NCKAP5: variants seen among roughly 807,000 people sequenced by gnomAD.
The protein encoded by NCKAP5 is nck-associated protein 5.
In NCKAP5, 92 loss-of-function variants were observed where a neutral mutation model predicts 167.0. That is an observed-to-expected ratio of 0.55 (90% CI 0.47 to 0.66). The LOEUF (loss-of-function observed/expected upper bound fraction) is 0.66, where lower values mean the gene tolerates loss of function less well. NCKAP5 is among the 30% of genes least tolerant of loss of function. The pLI is 0.00. For synonymous variants in NCKAP5, 891 were observed against 877.4 expected (o/e 1.02, Z -0.27); for missense variants, 2,378 against 2,315.0 (o/e 1.03, Z -0.56).
chr2:133,526,282 AGGGAGGGAGGG>A (rs1684912664), intron 2 of NCKAP5, among the ~76,000 whole-genome samples: 1 of 58,886 alleles, frequency 1.7e-5, no homozygotes, highest in African/African-American at 7.6e-5. Flanking sequence ...GGAGGGAAGG[AGGGAGGGAGGG>A]AAGGAGGGAG....
At chr2:133,423,250 A>G (rs1484648271) in intron 3 of NCKAP5, among the ~76,000 whole-genome samples, 1 of 152,192 alleles carries the variant, frequency 6.6e-6, no homozygotes, top group African/African-American at 2.4e-5. Flanking sequence ...CTGATGACCC[A>G]TAGCTAATGC....
chr2:132,697,638 T>C (rs1239680672), intron 19 of NCKAP5, among the ~76,000 whole-genome samples: 1 of 151,702 alleles, frequency 6.6e-6, no homozygotes, highest in African/African-American at 2.4e-5. Context: ...TGAAGGAAGC[T>C]AAGTGTATGT....
chr2:133,124,749 G>A (rs570230675), intron 6 of NCKAP5, among the ~76,000 whole-genome samples: 2 of 152,324 alleles, frequency 1.3e-5, no homozygotes, highest in East Asian at 3.9e-4. Flanking sequence ...GTTGAAAATA[G>A]CAGCTTTCAT....
intron 3 of NCKAP5, among the ~76,000 whole-genome samples, chr2:133,487,662 C>A (rs1272610893): frequency 6.6e-6 from 1 of 152,128 alleles, no homozygotes; most frequent in Non-Finnish European, 1.5e-5. Context: ...TGGAGAAGGG[C>A]ATTCAGTGGT....
chr2:133,163,180 A>G (rs1447774204), intron 5 of NCKAP5, among the ~76,000 whole-genome samples: 1 of 152,230 alleles, frequency 6.6e-6, no homozygotes, highest in Non-Finnish European at 1.5e-5. Flanking sequence ...AAGGGCTATC[A>G]TTCCACATGA....
At chr2:133,522,289 C>T (rs1684541589) in intron 2 of NCKAP5, among the ~76,000 whole-genome samples, 1 of 152,148 alleles carries the variant, frequency 6.6e-6, no homozygotes, top group East Asian at 1.9e-4. Flanking sequence ...ATCCCTCTGG[C>T]TCCTCCAGCC....
At chr2:132,951,786 T>C (rs769242735) in intron 8 of NCKAP5, among the ~76,000 whole-genome samples, 4 of 152,306 alleles carry the variant, frequency 2.6e-5, no homozygotes, top group Non-Finnish European at 4.4e-5. Flanking sequence ...GGCAAACTAT[T>C]AGAGTTAATA....
chr2:133,438,539 A>G (rs922347600), intron 3 of NCKAP5, among the ~76,000 whole-genome samples: 1 of 152,234 alleles, frequency 6.6e-6, no homozygotes, highest in Non-Finnish European at 1.5e-5. Flanking sequence ...AAGTATAATA[A>G]GAGATATTTC....
chr2:132,975,974 C>T (rs140419710), intron 7 of NCKAP5, among the ~76,000 whole-genome samples: 1 of 152,254 alleles, frequency 6.6e-6, no homozygotes, highest in African/African-American at 2.4e-5. Context: ...TAGAGTATTG[C>T]TGTCTATTGT....
the NCKAP5 span, among the ~76,000 whole-genome samples, chr2:133,620,949 G>T: frequency 6.6e-6 from 1 of 152,026 alleles, no homozygotes; most frequent in Non-Finnish European, 1.5e-5. Context: ...AATAAAACTG[G>T]AAATCAACTC....
rs181890804 is a variant in NCKAP5 at position 133,335,886 on chromosome 2, A to C, written c.70-32776T>G. ...GTGAAAATTGGGACATAAATTTTAT[A>C]AACAAAATGAATGGCTAGTCAGGCT... On this transcript the variant is annotated intron_variant, in intron 3 of 19. Transcript: ENST00000409261. Among the ~76,000 whole-genome samples, 21 of 152,316 alleles carry C rather than the reference A, an allele frequency of 1.4e-4. No individual in the cohort carries two copies. The East Asian group carries it at 4.1e-3, about 29-fold the overall frequency.
At chr2:132,825,265 G>A (rs1270664954) in intron 11 of NCKAP5, among the ~76,000 whole-genome samples, 3 of 152,140 alleles carry the variant, frequency 2.0e-5, no homozygotes, top group African/African-American at 7.2e-5. Context: ...CATGTTCAAG[G>A]TAAGCCACCA....
intron 6 of NCKAP5, among the ~76,000 whole-genome samples, chr2:133,096,260 G>A (rs2081341199): frequency 6.6e-6 from 1 of 152,128 alleles, no homozygotes; most frequent in South Asian, 2.1e-4. Flanking sequence ...GGAGGCCAAG[G>A]CAGGTGGAAC....
At chr2:133,172,869 G>A (rs763809698) in intron 5 of NCKAP5, among the ~76,000 whole-genome samples, 37 of 152,014 alleles carry the variant, frequency 2.4e-4, no homozygotes, top group African/African-American at 8.0e-4. Context: ...GGGTAGTCTC[G>A]AGAGATGGGG....
intron 19 of NCKAP5, among the ~76,000 whole-genome samples, chr2:132,709,497 A>G (rs1688659208): frequency 6.6e-6 from 1 of 152,066 alleles, no homozygotes; most frequent in South Asian, 2.1e-4. Flanking sequence ...ATTAATAAAA[A>G]GGACAAATAA....
intron 19 of NCKAP5, among the ~76,000 whole-genome samples, chr2:132,713,452 G>A (rs13407765): frequency 0.011 from 1,619 of 152,238 alleles, 22 homozygotes; most frequent in African/African-American, 0.037. Context: ...GTAAGTTATG[G>A]TCCAAGAAGA....
upstream of NCKAP5, among the ~76,000 whole-genome samples, chr2:133,568,675 C>T (rs1009526124): frequency 7.2e-5 from 11 of 152,132 alleles, no homozygotes; most frequent in Admixed American, 7.2e-4. Flanking sequence ...AGGATGGCTT[C>T]TTTCAGGTCT....
intron 8 of NCKAP5, among the ~76,000 whole-genome samples, chr2:132,894,731 G>T (rs1379893305): frequency 1.3e-5 from 2 of 152,094 alleles, no homozygotes; most frequent in Non-Finnish European, 2.9e-5. Context: ...TCCCACTCAG[G>T]ACCCCTGGCC....
intron 6 of NCKAP5, among the ~76,000 whole-genome samples, chr2:133,067,729 A>G (rs960697828): frequency 6.6e-6 from 1 of 152,206 alleles, no homozygotes; most frequent in African/African-American, 2.4e-5. Flanking sequence ...GGCAAGCTGC[A>G]TTAGAGAACA....
Sources: allele counts gnomAD v4.1 joint callset (sites outside exome capture counted in the v4.1 genomes callset), GRCh38; gene constraint gnomAD v4.1.1; transcripts MANE v1.5; gene names NCBI Gene and HGNC (gene_info 2026-07-23, HGNC 2026-07-21).